The following DTD1 variants were observed in gnomAD, a reference collection of about 807,000 sequenced individuals.
DTD1 encodes the protein D-aminoacyl-tRNA deacylase 1.
DTD1 carries 13 observed loss-of-function variants against 25.6 expected under a neutral mutation model. That is an observed-to-expected ratio of 0.51 (90% CI 0.33 to 0.81). DTD1 has a LOEUF of 0.81. Ranked by LOEUF, DTD1 falls within the 30% of genes least tolerant of loss-of-function variation. DTD1 has a pLI of 0.02. For synonymous variants in DTD1, 110 were observed against 103.6 expected, an observed-to-expected ratio of 1.06 and a Z score of -0.37; for missense variants, 193 against 266.4, an observed-to-expected ratio of 0.72 and a Z score of 1.92.
intron 4 of DTD1, among the ~76,000 whole-genome samples, chr20:18,698,004 A>G (rs918564667): frequency 1.3e-5 from 2 of 152,246 alleles, no homozygotes; most frequent in Non-Finnish European, 2.9e-5. Flanking sequence ...TTTCACAATT[A>G]TAAGTAGTAT....
intron 3 of DTD1, among the ~76,000 whole-genome samples, chr20:18,598,700 G>C (rs1475600140): frequency 2.0e-5 from 3 of 149,386 alleles, no homozygotes; most frequent in Middle Eastern, 3.2e-3. Flanking sequence ...TAGTAGAGAT[G>C]GGGTTTTACC....
intron 4 of DTD1, among the ~76,000 whole-genome samples, chr20:18,672,906 C>T (rs2060955966): frequency 6.6e-6 from 1 of 152,208 alleles, no homozygotes; most frequent in African/African-American, 2.4e-5. Context: ...CATAATTTGG[C>T]TTCCTAGATG....
intron 5 of DTD1, among the ~76,000 whole-genome samples, chr20:18,751,345 A>G (rs906547979): frequency 6.6e-6 from 1 of 152,124 alleles, no homozygotes; most frequent in African/African-American, 2.4e-5. Flanking sequence ...TAACTAGTCT[A>G]AGTCCACCTT....
intron 4 of DTD1, among the ~76,000 whole-genome samples, chr20:18,704,031 C>T (rs1195175315): frequency 6.2e-5 from 9 of 146,252 alleles, no homozygotes; most frequent in Middle Eastern, 3.6e-3. Flanking sequence ...GACGGAGTCT[C>T]GCTCTGTCAC....
chr20:18,668,950 G>A (rs2122385823), intron 4 of DTD1, among the ~76,000 whole-genome samples: 1 of 152,286 alleles, frequency 6.6e-6, no homozygotes, highest in Admixed American at 6.5e-5. Context: ...TGGCTAACGA[G>A]CATCTTTGAG....
At chr20:18,588,232 T>TGGTCCCCTTCGCGAGCTC in intron 1 of DTD1, 117 bp downstream of exon 1, 1 of 993,792 alleles carries the variant, frequency 1.0e-6, no homozygotes, top group Non-Finnish European at 1.3e-6. Context: ...TCCGCGAGCC[T>TGGTCCCCTTCGCGAGCTC]GGTCCCCTTC....
At chr20:18,654,962 A>G (rs2060886542) in intron 4 of DTD1, among the ~76,000 whole-genome samples, 1 of 152,250 alleles carries the variant, frequency 6.6e-6, no homozygotes, top group South Asian at 2.1e-4. Flanking sequence ...TATTTTAGAA[A>G]GTAATCATGA....
chr20:18,679,099 A>G (rs1332047629), intron 4 of DTD1: 2 of 152,228 alleles, frequency 1.3e-5, no homozygotes, highest in Non-Finnish European at 2.9e-5. Flanking sequence ...AACCAGGTCC[A>G]TGAGTGAGCC....
At chr20:18,621,880 C>T (rs879322996) in intron 3 of DTD1, among the ~76,000 whole-genome samples, 34 of 152,064 alleles carry the variant, frequency 2.2e-4, no homozygotes, top group Admixed American at 1.4e-3. Context: ...CTGGCTAACA[C>T]GGTGAAACCC....
chr20:18,593,624 G>T, intron 1 of DTD1, 107 bp from the exon 2 acceptor site: 1 of 754,434 alleles, frequency 1.3e-6, no homozygotes, highest in South Asian at 1.5e-5. Flanking sequence ...AACCAAAGAA[G>T]TTATAAGAAG....
chr20:18,700,479 C>T (rs1430336027), intron 4 of DTD1, among the ~76,000 whole-genome samples: 1 of 149,480 alleles, frequency 6.7e-6, no homozygotes, highest in East Asian at 1.9e-4. Flanking sequence ...ATTTCCTGTG[C>T]AAATAGTGGT....
At chr20:18,651,085 C>T (rs1221204190) in intron 4 of DTD1, among the ~76,000 whole-genome samples, 2 of 152,286 alleles carry the variant, frequency 1.3e-5, no homozygotes, top group Non-Finnish European at 2.9e-5. Flanking sequence ...GATACCATTT[C>T]AGAGCAGTGG....
intron 5 of DTD1, 112 bp downstream of exon 5, chr20:18,744,383 GCTT>G: frequency 8.4e-7 from 1 of 1,195,764 alleles, no homozygotes. Context: ...TTCATCCATA[GCTT>G]CCTTAAATCT....
intron 4 of DTD1, among the ~76,000 whole-genome samples, chr20:18,709,727 T>A (rs1239923293): frequency 6.6e-6 from 1 of 152,186 alleles, no homozygotes; most frequent in Admixed American, 6.5e-5. Flanking sequence ...TACCCAGGTG[T>A]ACTTGGTATA....
intron 4 of DTD1, among the ~76,000 whole-genome samples, chr20:18,659,991 T>C (rs1033841151): frequency 6.6e-6 from 1 of 152,096 alleles, no homozygotes; most frequent in Non-Finnish European, 1.5e-5. Flanking sequence ...CCCAGCACTT[T>C]GGGAGGCCGA....
At chr20:18,601,095 G>T (rs2060632290) in intron 3 of DTD1, among the ~76,000 whole-genome samples, 1 of 152,046 alleles carries the variant, frequency 6.6e-6, no homozygotes, top group South Asian at 2.1e-4. Flanking sequence ...AGAGTGGTGA[G>T]TGGGGATATC....
At chr20:18,640,499 G>A (rs1275674661) in intron 4 of DTD1, among the ~76,000 whole-genome samples, 2 of 151,148 alleles carry the variant, frequency 1.3e-5, no homozygotes, top group East Asian at 3.9e-4. Flanking sequence ...TCTCTGGGTG[G>A]GTATATGTCA....
At chr20:18,665,610 A>G (rs2060928810) in intron 4 of DTD1, among the ~76,000 whole-genome samples, 1 of 152,164 alleles carries the variant, frequency 6.6e-6, no homozygotes. Context: ...CATCTTTGGC[A>G]TTTAGGACCA....
intron 4 of DTD1, among the ~76,000 whole-genome samples, chr20:18,668,511 G>A (rs80083391): frequency 0.023 from 3,548 of 152,182 alleles, 84 homozygotes; most frequent in African/African-American, 0.047. Flanking sequence ...GCAGTGGGAC[G>A]GTGGCACCAT....
Sources: gnomAD v4.1 joint callset for allele counts (sites outside exome capture counted in the v4.1 genomes callset) on GRCh38, gnomAD v4.1.1 for gene constraint, MANE v1.5 for transcripts, NCBI Gene and HGNC (gene_info 2026-07-23, HGNC 2026-07-21) for gene names.